The following PHF21A variants were observed in gnomAD, a reference collection of about 807,000 sequenced individuals.
PHF21A encodes BHC80a.
PHF21A carries 11 observed loss-of-function variants against 82.5 expected under a neutral mutation model. That is an observed-to-expected ratio of 0.13 (90% confidence interval 0.08 to 0.22). The LOEUF is 0.22. Ranked by LOEUF, PHF21A falls within the 10% of genes least tolerant of loss-of-function variation. The pLI, the probability that PHF21A is intolerant of heterozygous loss-of-function variation, is 1.00. For synonymous variants in PHF21A, 297 were observed against 302.8 expected (o/e 0.98, Z 0.20); for missense variants, 579 against 837.8 (o/e 0.69, Z 3.81).
intron 6 of PHF21A, among the ~76,000 whole-genome samples, chr11:46,075,108 A>G (rs970323729): frequency 1.3e-5 from 2 of 152,222 alleles, no homozygotes; most frequent in Admixed American, 6.5e-5. Context: ...AGAGCTTGCC[A>G]CTTGATGAAA....
chr11:46,076,651 A>T, intron 6 of PHF21A, 103 bp downstream of exon 6: 1 of 883,330 alleles, frequency 1.1e-6, no homozygotes, highest in Non-Finnish European at 1.8e-6. Context: ...GCCCACACTT[A>T]TTTTCACACA....
chr11:45,963,055 A>G (rs1427389538), intron 10 of PHF21A, among the ~76,000 whole-genome samples: 3 of 152,182 alleles, frequency 2.0e-5, no homozygotes, highest in Non-Finnish European at 4.4e-5. Flanking sequence ...TAAAGTAGGG[A>G]AAAAACCAAA....
chr11:46,052,621 G>C (rs1283614936), intron 6 of PHF21A, among the ~76,000 whole-genome samples: 1 of 152,146 alleles, frequency 6.6e-6, no homozygotes. Flanking sequence ...GGTAGGGATA[G>C]AAGAAGAAAG....
At chr11:46,007,920 TTGTTA>T (rs2095332860) in intron 6 of PHF21A, among the ~76,000 whole-genome samples, 1 of 152,184 alleles carries the variant, frequency 6.6e-6, no homozygotes, top group Non-Finnish European at 1.5e-5. Flanking sequence ...ATAATCCGTG[TTGTTA>T]TGTTATTTTC....
chr11:45,998,819 CT>C (rs1370350391), intron 6 of PHF21A, among the ~76,000 whole-genome samples: 9 of 122,032 alleles, frequency 7.4e-5, no homozygotes, highest in African/African-American at 3.1e-4. Context: ...CACACCCGGC[CT>C]TTTTTTGTTT....
At chr11:45,978,604 G>C (rs973124291) in intron 7 of PHF21A, among the ~76,000 whole-genome samples, 6 of 152,164 alleles carry the variant, frequency 3.9e-5, no homozygotes, top group African/African-American at 1.4e-4. Context: ...GTTGTAAGAG[G>C]TATCCACGCT....
Position 45,934,124 on chromosome 11 carries a change from G to T in PHF21A, c.1890C>A (p.Asp630Glu), listed in dbSNP as rs774003990. ...KQLIRLIHGI[D>E]LSKPVDSEAT... ...CCTCAGAGTCTACAGGTTTGGAGAG[G>T]TCGATGCCGTGGATGAGGCGAATCA... Residue 630 changes from aspartate (D) to glutamate (E), a missense_variant, in exon 19 of 19, where the codon GAC (aspartate) becomes GAA (glutamate). Coordinates refer to ENST00000676320, the MANE Select transcript of PHF21A (RefSeq NM_001352027.3). 2 of 1,614,172 alleles carry T rather than the reference G, an allele frequency of 1.2e-6. No individual in the cohort carries two copies. The highest frequency in any genetic ancestry group is 2.2e-5 in the South Asian group (2 of 91,084).
chr11:46,007,273 T>C (rs1422327368), intron 6 of PHF21A, among the ~76,000 whole-genome samples: 4 of 151,874 alleles, frequency 2.6e-5, no homozygotes, highest in African/African-American at 9.7e-5. Flanking sequence ...CAGGAATCTG[T>C]GGCACTTTAC....
intron 4 of PHF21A, among the ~76,000 whole-genome samples, chr11:46,083,766 G>A (rs1341316873): frequency 3.9e-5 from 6 of 152,062 alleles, no homozygotes; most frequent in African/African-American, 1.2e-4. Flanking sequence ...TGGAATCAAC[G>A]CATAAAGCTG....
intron 6 of PHF21A, among the ~76,000 whole-genome samples, chr11:46,005,462 A>C (rs536866831): frequency 9.2e-5 from 14 of 152,310 alleles, no homozygotes; most frequent in Non-Finnish European, 2.1e-4. Flanking sequence ...CAAGATAATA[A>C]GAAAAGCAAA....
chr11:45,974,960 A>C (rs2093957665), intron 7 of PHF21A, among the ~76,000 whole-genome samples: 1 of 152,136 alleles, frequency 6.6e-6, no homozygotes, highest in African/African-American at 2.4e-5. Context: ...CTTTTTATTT[A>C]TTTATTTATT....
intron 6 of PHF21A, among the ~76,000 whole-genome samples, chr11:46,008,155 T>C (rs1242987315): frequency 6.6e-6 from 1 of 152,254 alleles, no homozygotes; most frequent in Non-Finnish European, 1.5e-5. Flanking sequence ...CACCTTCCCC[T>C]ACAATGTGTA....
At chr11:45,939,982 T>G (rs1590959086) in intron 15 of PHF21A, among the ~76,000 whole-genome samples, 1 of 151,860 alleles carries the variant, frequency 6.6e-6, no homozygotes, top group African/African-American at 2.4e-5. Flanking sequence ...AATACAGAAA[T>G]TGTGCACAAG....
At chr11:46,067,212 G>A (rs2096604884) in intron 6 of PHF21A, among the ~76,000 whole-genome samples, 1 of 152,106 alleles carries the variant, frequency 6.6e-6, no homozygotes. Flanking sequence ...AAAGGTATAA[G>A]GTGACCCTAG....
At chr11:45,958,647 T>G (rs73450035) in intron 10 of PHF21A, among the ~76,000 whole-genome samples, 2,224 of 151,382 alleles carry the variant, frequency 0.015, 57 homozygotes, top group African/African-American at 0.051. Context: ...CCAGGCTTGG[T>G]GTTCATGCCT....
intron 6 of PHF21A, among the ~76,000 whole-genome samples, chr11:46,056,379 G>A (rs1592597874): frequency 6.6e-6 from 1 of 152,100 alleles, no homozygotes; most frequent in Non-Finnish European, 1.5e-5. Context: ...CTCCAATTAT[G>A]TCTGGGTTAA....
At position 45,946,001 on chromosome 11, in the gene PHF21A, G is replaced by A. The variant is rs1197746962; in HGVS notation, c.1291C>T (p.Arg431Cys). 1.2e-6 allele frequency: 2 copies of A among 1,613,790 alleles called. No homozygotes were observed. The highest frequency in any genetic ancestry group is 1.7e-6 in the Non-Finnish European group (2 of 1,179,856). The change falls in exon 15 of 19, where the codon CGT (arginine) becomes TGT (cysteine). Residue 431 changes from arginine (R) to cysteine (C), a missense_variant and splice_region_variant. By Grantham distance (180) the Arg-to-Cys change is radical. Around this residue, in one of 3 missense-constraint regions of PHF21A, gnomAD observed 410 missense variants for 642.1 expected, o/e 0.64. Coordinates refer to ENST00000676320, the MANE Select transcript of PHF21A (RefSeq NM_001352027.3). ...AGCACTGCATTGTATTTTGGAGGAC[G>A]ACCTATATACCAAGAGAAGGGAACA... ...TMHPGTRKRG[R>C]PPKYNAVLGF...
intron 7 of PHF21A, 124 bp downstream of exon 7, chr11:45,979,636 T>A (rs2094194026): frequency 7.4e-7 from 1 of 1,354,900 alleles, no homozygotes; most frequent in Non-Finnish European, 1.0e-6. Flanking sequence ...AAAAAAGCAA[T>A]CAAAATAACT....
intron 6 of PHF21A, among the ~76,000 whole-genome samples, chr11:46,073,975 A>C (rs2096688291): frequency 6.6e-6 from 1 of 152,230 alleles, no homozygotes; most frequent in African/African-American, 2.4e-5. Context: ...TGCTCACTAA[A>C]GGCTGTATTT....
Sources: gnomAD v4.1 joint callset for allele counts (sites outside exome capture counted in the v4.1 genomes callset) on GRCh38, gnomAD v4.1.1 for gene constraint, gnomAD v4.1.1 regional missense constraint, MANE v1.5 for transcripts, NCBI Gene and HGNC (gene_info 2026-07-23, HGNC 2026-07-21) for gene names.